The following RIT2 variants were observed in gnomAD, a reference collection of about 807,000 sequenced individuals.
RIT2 encodes GTP-binding protein Rit2.
In RIT2, 24 loss-of-function variants were observed where a neutral mutation model predicts 23.7. The ratio of observed to expected loss-of-function variants is 1.01; its 90% confidence interval spans 0.73 to 1.43. RIT2 has a LOEUF of 1.43. RIT2 is among the 40% of genes most tolerant of loss of function. The pLI is 0.00. For synonymous variants in RIT2, 107 were observed against 91.1 expected (o/e 1.17, Z -0.99); for missense variants, 236 against 266.9 (o/e 0.88, Z 0.81).
At chr18:42,982,525 T>C (rs533258671) in intron 2 of RIT2, among the ~76,000 whole-genome samples, 21 of 152,160 alleles carry the variant, frequency 1.4e-4, no homozygotes, top group Non-Finnish European at 2.9e-4. Context: ...TTGACACCCA[T>C]ACACATTTCC....
At chr18:42,958,973 T>A (rs1185438726) in intron 3 of RIT2, among the ~76,000 whole-genome samples, 1 of 152,168 alleles carries the variant, frequency 6.6e-6, no homozygotes, top group Non-Finnish European at 1.5e-5. Context: ...CTTATCTGCC[T>A]CCTGAACTCA....
At chr18:42,806,170 T>G (rs184972025) in intron 4 of RIT2, among the ~76,000 whole-genome samples, 183 of 150,234 alleles carry the variant, frequency 1.2e-3, no homozygotes, top group Non-Finnish European at 2.1e-3. Flanking sequence ...TTAAACTGGC[T>G]TTTTAAAGTT....
Position 42,743,692 on chromosome 18 carries a change from G to A in RIT2, c.455C>T (p.Ala152Val). The part of the protein sequence containing the change: ...QVSTEEGLSL[A>V]QEYNCGFFET... Reference sequence around the variant, plus strand: ...AAAAAAACCACAATTATATTCTTGGGCAAGACTCAAGCCTTCTTCTGTAGA... The same window carrying A: ...AAAAAAACCACAATTATATTCTTGGACAAGACTCAAGCCTTCTTCTGTAGA... The change falls in exon 5 of 5, where the codon GCC becomes GTC. Residue 152 changes from alanine (A) to valine (V), a missense_variant. Physicochemically the swap from Ala to Val is moderately conservative, Grantham distance 64. Transcript: ENST00000326695. The A allele has an allele frequency of 6.2e-7, 1 of 1,613,526 alleles. No individual in the cohort carries two copies. The highest frequency in any genetic ancestry group is 1.3e-5 in the African/African-American group (1 of 74,980).
At chr18:42,763,176 A>C (rs560534801) in intron 4 of RIT2, among the ~76,000 whole-genome samples, 1 of 152,288 alleles carries the variant, frequency 6.6e-6, no homozygotes, top group East Asian at 1.9e-4. Flanking sequence ...TAAAAATGGT[A>C]CACCGGCTGG....
At chr18:43,026,271 G>C (rs982060978) in intron 2 of RIT2, among the ~76,000 whole-genome samples, 2 of 151,884 alleles carry the variant, frequency 1.3e-5, no homozygotes, top group Non-Finnish European at 2.9e-5. Context: ...GATAAGAAAG[G>C]TTGGCCGGGC....
At chr18:42,991,098 G>A (rs1417028341) in intron 2 of RIT2, among the ~76,000 whole-genome samples, 2 of 152,034 alleles carry the variant, frequency 1.3e-5, no homozygotes, top group Non-Finnish European at 2.9e-5. Flanking sequence ...TTAGTAAAAC[G>A]CAGGAAAATC....
At chr18:42,883,498 T>C (rs1268480001) in intron 4 of RIT2, among the ~76,000 whole-genome samples, 1 of 152,180 alleles carries the variant, frequency 6.6e-6, no homozygotes, top group Non-Finnish European at 1.5e-5. Context: ...ATAGCACTTT[T>C]GCAAATTAGT....
At chr18:42,967,666 C>T (rs1016394787) in intron 3 of RIT2, among the ~76,000 whole-genome samples, 3 of 147,142 alleles carry the variant, frequency 2.0e-5, no homozygotes, top group Non-Finnish European at 4.5e-5. Context: ...ACTGGGATTA[C>T]AGGCGTGAGC....
chr18:42,839,492 A>C (rs1943531846), intron 4 of RIT2, among the ~76,000 whole-genome samples: 2 of 152,122 alleles, frequency 1.3e-5, no homozygotes, highest in Non-Finnish European at 2.9e-5. Context: ...GTGTGACTTG[A>C]GGGCTTGATT....
At chr18:42,750,978 A>T (rs942756648) in intron 4 of RIT2, among the ~76,000 whole-genome samples, 1 of 151,908 alleles carries the variant, frequency 6.6e-6, no homozygotes, top group Non-Finnish European at 1.5e-5. Context: ...GTCTCACTTG[A>T]TTAAGGCCAT....
At chr18:42,758,478 A>G (rs951446982) in intron 4 of RIT2, among the ~76,000 whole-genome samples, 1 of 82,326 alleles carries the variant, frequency 1.2e-5, no homozygotes, top group African/African-American at 4.5e-5. Context: ...CTTTCTTGAC[A>G]TTCTAATCCT....
chr18:43,052,132 C>T (rs1219134808), intron 1 of RIT2, among the ~76,000 whole-genome samples: 1 of 152,130 alleles, frequency 6.6e-6, no homozygotes, highest in Non-Finnish European at 1.5e-5. Flanking sequence ...ATCTATTCAA[C>T]AGTGGCTAAT....
chr18:42,871,796 C>G (rs1907627626), intron 4 of RIT2, among the ~76,000 whole-genome samples: 1 of 152,170 alleles, frequency 6.6e-6, no homozygotes, highest in Admixed American at 6.5e-5. Flanking sequence ...TATCATGTTA[C>G]CTTACAAAAT....
intron 4 of RIT2, among the ~76,000 whole-genome samples, chr18:42,773,393 G>GA (rs1337923782): frequency 1.3e-5 from 2 of 152,052 alleles, no homozygotes; most frequent in South Asian, 2.1e-4. Flanking sequence ...ATAAACTGAT[G>GA]AAAAAAACAG....
chr18:42,872,840 T>A (rs1358814780), intron 4 of RIT2, among the ~76,000 whole-genome samples: 5 of 152,234 alleles, frequency 3.3e-5, no homozygotes, highest in African/African-American at 9.6e-5. Context: ...ATGCAGCACT[T>A]GTTTTTATCA....
At chr18:42,980,103 A>C (rs925966616) in intron 2 of RIT2, among the ~76,000 whole-genome samples, 3 of 152,232 alleles carry the variant, frequency 2.0e-5, no homozygotes, top group African/African-American at 7.2e-5. Flanking sequence ...AAATGTCATA[A>C]AAGTCTACCT....
At chr18:43,063,213 T>C (rs1912692347) in intron 1 of RIT2, among the ~76,000 whole-genome samples, 1 of 152,184 alleles carries the variant, frequency 6.6e-6, no homozygotes. Context: ...GGAATCATTA[T>C]ATTGTCAATT....
At chr18:42,960,429 C>T (rs530380822) in intron 3 of RIT2, among the ~76,000 whole-genome samples, 32 of 152,312 alleles carry the variant, frequency 2.1e-4, no homozygotes, top group African/African-American at 7.5e-4. Context: ...ATTTTCCTGC[C>T]TCTGCCTCCT....
chr18:42,856,952 C>T (rs1223514006), intron 4 of RIT2, among the ~76,000 whole-genome samples: 2 of 151,460 alleles, frequency 1.3e-5, no homozygotes, highest in African/African-American at 2.4e-5. Flanking sequence ...CCTCAGCCTC[C>T]GGAGCAGCTG....
Sources: allele counts gnomAD v4.1 joint callset (sites outside exome capture counted in the v4.1 genomes callset), GRCh38; gene constraint gnomAD v4.1.1; transcripts MANE v1.5; gene names NCBI Gene and HGNC (gene_info 2026-07-23, HGNC 2026-07-21).